TMEM132B: variants seen among roughly 807,000 people sequenced by gnomAD.
TMEM132B encodes the protein transmembrane protein 132B.
Under a neutral mutation model 90.8 loss-of-function variants are expected in TMEM132B, and 18 were observed. That is an observed-to-expected ratio of 0.20 (90% CI 0.14 to 0.29). TMEM132B has a LOEUF of 0.29. Among genes scored for constraint, TMEM132B ranks in the 10% least tolerant of loss-of-function variants. The pLI is 1.00. For synonymous variants in TMEM132B, 504 were observed against 523.3 expected, an observed-to-expected ratio of 0.96 and a Z score of 0.50; for missense variants, 1,096 against 1,326.8, an observed-to-expected ratio of 0.83 and a Z score of 2.70.
chr12:125,354,526 C>T (rs1339824278), intron 2 of TMEM132B, among the ~76,000 whole-genome samples: 40 of 152,168 alleles, frequency 2.6e-4, no homozygotes, highest in Non-Finnish European at 1.5e-5. Flanking sequence ...CCATCTGGCT[C>T]CTGAGGGTAT....
intron 1 of TMEM132B, among the ~76,000 whole-genome samples, chr12:125,219,020 A>G (rs1873502282): frequency 6.6e-6 from 1 of 152,170 alleles, no homozygotes; most frequent in African/African-American, 2.4e-5. Context: ...TAAAATAGTT[A>G]ATTTTATGCC....
chr12:125,320,210 G>T (rs1016960230), intron 1 of TMEM132B, among the ~76,000 whole-genome samples: 1 of 152,198 alleles, frequency 6.6e-6, no homozygotes, highest in African/African-American at 2.4e-5. Context: ...CCCAGCTGGG[G>T]AGGAGGTCTG....
chr12:125,438,221 T>C (rs1234194786), intron 3 of TMEM132B, among the ~76,000 whole-genome samples: 1 of 152,240 alleles, frequency 6.6e-6, no homozygotes, highest in East Asian at 1.9e-4. Flanking sequence ...AGGGCTGATA[T>C]GTCCATCTGG....
chr12:125,659,940 C>T lies in TMEM132B; in HGVS notation c.*5230C>T, dbSNP rs921114638. The T allele has an allele frequency of 2.0e-5, 3 of 152,264 alleles. No individual in the cohort carries two copies. The highest frequency in any genetic ancestry group is 7.2e-5 in the African/African-American group (3 of 41,462). 9.4% of individuals were successfully genotyped at this position (152,264 alleles called of 1,614,324 possible). On this transcript the variant is annotated 3_prime_UTR_variant, in exon 9 of 9. Coordinates refer to ENST00000682704, the MANE Select transcript of TMEM132B (RefSeq NM_001366854.1). ...TTGGGTAACTGTTTTGCACTAACAG[C>T]TTCCTCCTTGTCTTTTCCCTGGGAA...
intron 1 of TMEM132B, among the ~76,000 whole-genome samples, chr12:125,203,843 G>A (rs1430766633): frequency 6.6e-6 from 1 of 152,202 alleles, no homozygotes; most frequent in African/African-American, 2.4e-5. Flanking sequence ...AGCCATATCT[G>A]CTGACCTGTG....
chr12:125,398,760 A>T lies in TMEM132B; in HGVS notation c.960-16771A>T, dbSNP rs546551022. ...TCTATTGGTGAGTAGCAAAATCACC[A>T]CAAACTTAAAGGCTTAAAACATCAC... On this transcript the variant is annotated intron_variant, in intron 2 of 8. Coordinates refer to ENST00000682704, the MANE Select transcript of TMEM132B (RefSeq NM_001366854.1). Among the ~76,000 whole-genome samples the T allele has an allele frequency of 3.3e-5, 5 of 152,370 alleles. No homozygotes were observed. In the East Asian group the frequency reaches 9.6e-4, roughly 29 times the overall value.
At chr12:125,480,078 G>A (rs554366223) in intron 3 of TMEM132B, among the ~76,000 whole-genome samples, 5 of 152,200 alleles carry the variant, frequency 3.3e-5, no homozygotes, top group South Asian at 2.1e-4. Flanking sequence ...AAGACACAAC[G>A]TACCAGAATC....
At chr12:125,619,278 A>G (rs1886062090) in intron 5 of TMEM132B, among the ~76,000 whole-genome samples, 1 of 152,112 alleles carries the variant, frequency 6.6e-6, no homozygotes, top group Non-Finnish European at 1.5e-5. Flanking sequence ...TCTGTAGGCT[A>G]TTCTGGGCCT....
intron 2 of TMEM132B, among the ~76,000 whole-genome samples, chr12:125,402,447 G>C (rs536000436): frequency 6.6e-6 from 1 of 152,314 alleles, no homozygotes; most frequent in African/African-American, 2.4e-5. Context: ...AAAGTGTTGG[G>C]ATTACCGGCA....
chr12:125,302,502 C>A (rs972056165), intron 1 of TMEM132B, among the ~76,000 whole-genome samples: 3 of 152,080 alleles, frequency 2.0e-5, no homozygotes, highest in Non-Finnish European at 2.9e-5. Context: ...GTTCGTTATA[C>A]AGCACTATTG....
rs573858178 is a variant in TMEM132B at position 125,623,183 on chromosome 12, C to A, written c.1438-20893C>A. ...CAGGCACCATTTGATGAATTGTAAG[C>A]CTAGATATTTTCCTAGGCTTACAAA... On this transcript the variant is annotated intron_variant, in intron 5 of 8. Transcript: ENST00000682704. Among the ~76,000 whole-genome samples the A allele has an allele frequency of 2.8e-4, 42 of 152,216 alleles. 1 individual carries two copies. In the South Asian group the frequency reaches 8.7e-3, roughly 32 times the overall value.
In TMEM132B at chr12:125,653,715, G is replaced by A. The variant is rs1219875622; in HGVS notation, c.2257G>A (p.Val753Met). 1.9e-6 allele frequency: 3 copies of A among 1,614,180 alleles called. No homozygotes were observed. Among genetic ancestry groups the A allele is most frequent in the Non-Finnish European group, 2.5e-6 (3 of 1,180,030 alleles). ...QANLESKWPIVVAEGEGQGPL... is the reference protein window; with the variant it reads ...QANLESKWPIMVAEGEGQGPL... Reference sequence around the variant, plus strand: ...AAACCTTGAGTCCAAATGGCCAATTGTGGTTGCAGAGGGTGAAGGACAAGG... The same window carrying A: ...AAACCTTGAGTCCAAATGGCCAATTATGGTTGCAGAGGGTGAAGGACAAGG... Residue 753 changes from valine (V) to methionine (M), a missense_variant, in exon 9 of 9, where the codon GTG (valine) becomes ATG (methionine). By Grantham distance (21) the Val-to-Met change is conservative (BLOSUM62 1). Coordinates refer to ENST00000682704, the MANE Select transcript of TMEM132B (RefSeq NM_001366854.1).
chr12:125,318,216 A>C (rs970727553), intron 1 of TMEM132B, among the ~76,000 whole-genome samples: 9 of 152,142 alleles, frequency 5.9e-5, no homozygotes, highest in African/African-American at 1.9e-4. Context: ...GGTGAACCCC[A>C]AGTTGAGGAA....
intron 1 of TMEM132B, among the ~76,000 whole-genome samples, chr12:125,329,657 C>T (rs537815646): frequency 2.6e-5 from 4 of 152,284 alleles, no homozygotes; most frequent in Non-Finnish European, 4.4e-5. Flanking sequence ...TCAGAGCTGT[C>T]GTGGCTTTGT....
intron 4 of TMEM132B, among the ~76,000 whole-genome samples, chr12:125,523,168 C>T (rs1159657402): frequency 2.0e-5 from 3 of 152,196 alleles, no homozygotes; most frequent in Non-Finnish European, 4.4e-5. Context: ...GCTGCGCTAA[C>T]AAATTACCAT....
chr12:125,418,436 A>G (rs568004767), intron 3 of TMEM132B, among the ~76,000 whole-genome samples: 1 of 152,290 alleles, frequency 6.6e-6, no homozygotes, highest in South Asian at 2.1e-4. Context: ...AGGGATTGTC[A>G]CTTTGGCATG....
chr12:125,645,501 A>G (rs954169872), intron 6 of TMEM132B, among the ~76,000 whole-genome samples: 9 of 152,208 alleles, frequency 5.9e-5, no homozygotes, highest in African/African-American at 2.2e-4. Flanking sequence ...GGATTGAGCC[A>G]CTTGCTGAGG....
chr12:125,192,016 G>A (rs1464621975), intron 1 of TMEM132B, among the ~76,000 whole-genome samples: 3 of 152,216 alleles, frequency 2.0e-5, no homozygotes, highest in Non-Finnish European at 4.4e-5. Flanking sequence ...AAGAAAGGAA[G>A]GGCTGATTGG....
At chr12:125,468,554 TTAAGATCATTTGACCAA>T (rs2136490739) in intron 3 of TMEM132B, among the ~76,000 whole-genome samples, 1 of 152,310 alleles carries the variant, frequency 6.6e-6, no homozygotes, top group East Asian at 1.9e-4. Flanking sequence ...GTGGCTTTGT[TTAAGATCATTTGACCAA>T]TACGTGAGGG....
Sources: allele counts gnomAD v4.1 joint callset (sites outside exome capture counted in the v4.1 genomes callset), GRCh38; gene constraint gnomAD v4.1.1; transcripts MANE v1.5; gene names NCBI Gene and HGNC (gene_info 2026-07-23, HGNC 2026-07-21).